The following NAA35 variants were observed in gnomAD, a reference collection of about 807,000 sequenced individuals.
The protein encoded by NAA35 is N-alpha-acetyltransferase 35, NatC auxiliary subunit.
Under a neutral mutation model 101.7 loss-of-function variants are expected in NAA35, and 18 were observed. The observed-to-expected ratio is 0.18, with a 90% CI of 0.12 to 0.26. The LOEUF is 0.26. Among genes scored for constraint, NAA35 ranks in the 10% least tolerant of loss-of-function variants. The pLI is 1.00. For synonymous variants in NAA35, 267 were observed against 273.1 expected (o/e 0.98, Z 0.22); for missense variants, 601 against 886.8 (o/e 0.68, Z 4.09).
intron 15 of NAA35, among the ~76,000 whole-genome samples, chr9:86,010,369 C>T (rs1831849891): frequency 6.6e-6 from 1 of 151,862 alleles, no homozygotes; most frequent in Non-Finnish European, 1.5e-5. Flanking sequence ...CTCCTCCTAA[C>T]ACTTGAGTGG....
At position 85,956,357 on chromosome 9, in the gene NAA35, T is replaced by C; in HGVS notation, c.125-3T>C. ...CAAAGGGTTTTTCTCTTTTTTTTTT[T>C]AGAATTAAAGTTGGGAGAACTACTT... On this transcript the variant is annotated splice_polypyrimidine_tract_variant and splice_region_variant and intron_variant, in intron 2 of 22. Coordinates refer to ENST00000361671, the MANE Select transcript of NAA35 (RefSeq NM_024635.4). 1 of 1,376,604 alleles carries C rather than the reference T, an allele frequency of 7.3e-7. No individual in the cohort carries two copies. The highest frequency in any genetic ancestry group is 1.5e-5 in the African/African-American group (1 of 67,122). 85.3% of individuals were successfully genotyped at this position (1,376,604 alleles called of 1,614,324 possible).
chr9:85,943,428 ATAGG>A (rs1053576736), intron 2 of NAA35, among the ~76,000 whole-genome samples: 1 of 152,096 alleles, frequency 6.6e-6, no homozygotes, highest in African/African-American at 2.4e-5. Context: ...TCTTTTGATG[ATAGG>A]TAGGGTGTGT....
intron 2 of NAA35, among the ~76,000 whole-genome samples, chr9:85,955,073 A>G (rs1026599435): frequency 2.6e-5 from 4 of 151,562 alleles, no homozygotes; most frequent in Non-Finnish European, 4.4e-5. Context: ...ACCCACCACC[A>G]CACCTGGCTA....
At position 86,016,688 on chromosome 9, in the gene NAA35, AT is replaced by A. The variant is rs1261312791; in HGVS notation, c.1705+18del. 1 of 1,606,902 alleles carries A rather than the reference AT, an allele frequency of 6.2e-7. No homozygotes were observed. Among genetic ancestry groups the A allele is most frequent in the Non-Finnish European group, 8.5e-7 (1 of 1,178,834 alleles). On this transcript the variant is annotated intron_variant, in intron 18 of 22. Transcript: ENST00000361671. ...AAAAAAAAGAAAGGTGCTGTGGATT[AT>A]TTTTAAACTTAAGAACAGAGTGTAC...
At position 86,013,145 on chromosome 9, in the gene NAA35, G is replaced by GC; in HGVS notation, c.1389+1_1389+2insC. 1.3e-6 allele frequency: 2 copies of GC among 1,578,524 alleles called. No individual in the cohort carries two copies. The highest frequency in any genetic ancestry group is 1.7e-6 in the Non-Finnish European group (2 of 1,154,180). ...GGAATTTGCCACCTTGCAGGATGAG[G>GC]TAAGAGCCAGGTTCCCCTCTCTTCT... On this transcript the variant is annotated splice_donor_variant, in intron 16 of 22. Coordinates refer to ENST00000361671, the MANE Select transcript of NAA35 (RefSeq NM_024635.4). LOFTEE classifies it high-confidence loss of function.
chr9:85,955,322 A>C (rs1329163520), intron 2 of NAA35, among the ~76,000 whole-genome samples: 1 of 95,336 alleles, frequency 1.0e-5, no homozygotes, highest in Non-Finnish European at 1.9e-5. Flanking sequence ...TTAGCCATCT[A>C]TATACATATA....
chr9:85,989,499 AC>A (rs886990722), intron 11 of NAA35, among the ~76,000 whole-genome samples: 9 of 152,020 alleles, frequency 5.9e-5, no homozygotes, highest in Non-Finnish European at 8.8e-5. Context: ...ACAAAAAAAA[AC>A]AAAGACAAAA....
intron 2 of NAA35, among the ~76,000 whole-genome samples, chr9:85,946,527 C>A (rs1389359683): frequency 6.6e-6 from 1 of 152,090 alleles, no homozygotes; most frequent in Non-Finnish European, 1.5e-5. Flanking sequence ...GGATATGGGC[C>A]CAATCTTTCA....
chr9:85,983,970 A>G (rs1426192489), intron 11 of NAA35, among the ~76,000 whole-genome samples: 9 of 152,004 alleles, frequency 5.9e-5, no homozygotes, highest in Non-Finnish European at 1.0e-4. Flanking sequence ...AATAAAACAT[A>G]TAAAGGATAA....
chr9:86,013,868 C>T lies in NAA35; in HGVS notation c.1539C>T (p.Tyr513=). ...YLLSGFELEL[Y]SMHEYYYIYW... is the part of the protein sequence containing the mutation. ...TAAGTGGCTTTGAATTGGAACTCTA[C>T]AGTATGCACGAGTACTATTACATAT... Residue 513 remains tyrosine (Y), a synonymous_variant, in exon 17 of 23, where the codon TAC becomes TAT. Coordinates refer to ENST00000361671, the MANE Select transcript of NAA35 (RefSeq NM_024635.4). 1 of 1,613,702 alleles carries T rather than the reference C, an allele frequency of 6.2e-7. No individual in the cohort carries two copies. Among genetic ancestry groups the T allele is most frequent in the Non-Finnish European group, 8.5e-7 (1 of 1,179,716 alleles).
intron 3 of NAA35, among the ~76,000 whole-genome samples, chr9:85,957,414 T>A (rs1163124741): frequency 6.6e-6 from 1 of 152,184 alleles, no homozygotes; most frequent in East Asian, 1.9e-4. Context: ...TTTGTCTAGG[T>A]GGACTCCTGC....
intron 11 of NAA35, among the ~76,000 whole-genome samples, chr9:85,991,988 C>T (rs1449695893): frequency 2.0e-5 from 3 of 151,950 alleles, no homozygotes; most frequent in East Asian, 1.9e-4. Context: ...TCCTGGCTAA[C>T]GCGGTGAAAC....
At chr9:85,942,386 GGTTT>G (rs1828563341) in intron 2 of NAA35, 103 bp downstream of exon 2, 1 of 1,476,740 alleles carries the variant, frequency 6.8e-7, no homozygotes, top group African/African-American at 1.4e-5. Context: ...AGGTAAATGT[GGTTT>G]GTTGAGTTTG....
chr9:86,016,785 C>G (rs1411142057), intron 18 of NAA35, 110 bp downstream of exon 18: 1 of 1,115,304 alleles, frequency 9.0e-7, no homozygotes, highest in African/African-American at 1.6e-5. Flanking sequence ...TCTTGTTCCT[C>G]TTTTCAGAAA....
intron 10 of NAA35, among the ~76,000 whole-genome samples, chr9:85,978,001 A>G (rs895187883): frequency 2.0e-5 from 3 of 148,426 alleles, no homozygotes; most frequent in Admixed American, 6.7e-5. Flanking sequence ...TTTCTAGTTG[A>G]TTGCTTCTTT....
intron 4 of NAA35, among the ~76,000 whole-genome samples, chr9:85,959,446 A>G (rs2117863691): frequency 6.6e-6 from 1 of 151,102 alleles, no homozygotes; most frequent in Admixed American, 6.6e-5. Flanking sequence ...AAAATGATTT[A>G]TATTAATACT....
chr9:85,942,048 A>C, intron 1 of NAA35, 107 bp from the exon 2 acceptor site: 1 of 1,482,074 alleles, frequency 6.7e-7, no homozygotes, highest in East Asian at 2.3e-5. Context: ...TCTGCTTTAA[A>C]GAGTTTAGTT....
At chr9:85,946,269 T>G (rs563278186) in intron 2 of NAA35, among the ~76,000 whole-genome samples, 7 of 152,272 alleles carry the variant, frequency 4.6e-5, no homozygotes, top group African/African-American at 1.4e-4. Flanking sequence ...CTCAGCCTCC[T>G]GAGTAGCTGA....
intron 6 of NAA35, among the ~76,000 whole-genome samples, chr9:85,964,851 T>G (rs1829676538): frequency 6.6e-6 from 1 of 152,232 alleles, no homozygotes; most frequent in African/African-American, 2.4e-5. Flanking sequence ...CTTATTACCA[T>G]ATGGTTACTG....
Sources: allele counts gnomAD v4.1 joint callset (sites outside exome capture counted in the v4.1 genomes callset), GRCh38; gene constraint gnomAD v4.1.1; transcripts MANE v1.5; gene names NCBI Gene and HGNC (gene_info 2026-07-23, HGNC 2026-07-21).